Variants in EVL observed in about 807,000 individuals in gnomAD.
EVL encodes the protein Enah/Vasp-like.
In EVL, 21 loss-of-function variants were observed where a neutral mutation model predicts 59.6. The observed-to-expected ratio is 0.35, with a 90% CI of 0.25 to 0.51. The LOEUF is 0.51. EVL is among the 20% of genes least tolerant of loss of function. EVL has a pLI of 0.97. For synonymous variants in EVL, 198 were observed against 203.5 expected, an observed-to-expected ratio of 0.97 and a Z score of 0.23; for missense variants, 462 against 546.6, an observed-to-expected ratio of 0.85 and a Z score of 1.54.
intron 1 of EVL, among the ~76,000 whole-genome samples, chr14:100,016,072 C>CT: frequency 7.3e-6 from 1 of 137,280 alleles, no homozygotes; most frequent in South Asian, 2.3e-4. Context: ...GAGTAAGACT[C>CT]TGTCTCAAAA....
At chr14:100,039,722 A>G (rs932049997) in intron 1 of EVL, among the ~76,000 whole-genome samples, 2 of 152,086 alleles carry the variant, frequency 1.3e-5, no homozygotes, top group African/African-American at 2.4e-5. Context: ...GAATTGGTCT[A>G]TATCTTCACC....
intron 1 of EVL, among the ~76,000 whole-genome samples, chr14:100,045,173 T>C (rs1213439304): frequency 2.6e-5 from 4 of 152,192 alleles, no homozygotes; most frequent in Non-Finnish European, 5.9e-5. Flanking sequence ...GTGCCCACTT[T>C]GTGGGATTGT....
At chr14:99,984,459 C>CT (rs1301760530) in intron 1 of EVL, among the ~76,000 whole-genome samples, 1 of 152,046 alleles carries the variant, frequency 6.6e-6, no homozygotes, top group African/African-American at 2.4e-5. Flanking sequence ...GCTTTTCTTT[C>CT]TTTTTTAAAT....
intron 1 of EVL, among the ~76,000 whole-genome samples, chr14:100,065,843 G>A (rs1200786922): frequency 6.6e-6 from 1 of 152,134 alleles, no homozygotes; most frequent in African/African-American, 2.4e-5. Context: ...TTGTTGTTTA[G>A]CTCAGAGGTA....
rs1888175471 is a variant in EVL at position 100,127,836 on chromosome 14, C to G, written c.488-683C>G. ...CCCTTGGTAACACTTGTCAGCTTGC[C>G]ACAGTCCTCCATCTGCGTTTACCTC... On this transcript the variant is annotated intron_variant, in intron 5 of 13. Transcript: ENST00000392920. This position sits in a 1 kb window ranked among gnomAD's most constrained non-coding sequence, Gnocchi z 4.2. Among the ~76,000 whole-genome samples, 1 of 152,234 alleles carries G rather than the reference C, an allele frequency of 6.6e-6. No homozygotes were observed. Among genetic ancestry groups the G allele is most frequent in the Non-Finnish European group, 1.5e-5 (1 of 68,044 alleles).
At chr14:99,985,626 G>A (rs746122595) in intron 1 of EVL, among the ~76,000 whole-genome samples, 1 of 152,094 alleles carries the variant, frequency 6.6e-6, no homozygotes, top group Non-Finnish European at 1.5e-5. Flanking sequence ...GATTAGCTGG[G>A]TGTGGTGGTG....
intron 1 of EVL, among the ~76,000 whole-genome samples, chr14:99,980,397 CT>C (rs1359439319): frequency 6.6e-6 from 1 of 152,170 alleles, no homozygotes; most frequent in African/African-American, 2.4e-5. Context: ...AGAATCACCT[CT>C]AATTCTCAGA....
intron 3 of EVL, among the ~76,000 whole-genome samples, chr14:100,116,199 C>T (rs550666012): frequency 5.9e-5 from 9 of 152,274 alleles, no homozygotes; most frequent in Admixed American, 5.9e-4. Flanking sequence ...CCGGGGATGG[C>T]CCAGTCTCAC....
chr14:99,972,602 CT>C lies in EVL; in HGVS notation c.5+553del, dbSNP rs869292266. On this transcript the variant is annotated intron_variant, in intron 1 of 13. Transcript: ENST00000402714. This position sits in a 1 kb window ranked among gnomAD's most constrained non-coding sequence, Gnocchi z 4.4. ...CTTCGTCTCCTAATTCTCAACCCCC[CT>C]TTTTTTTCTTCTTGCACGCCAGTAA... is the stretch of plus-strand genomic sequence containing the variant. 2.6e-5 allele frequency among the ~76,000 whole-genome samples: 4 copies of C among 152,024 alleles called. No homozygotes were observed. The highest frequency in any genetic ancestry group is 4.4e-5 in the Non-Finnish European group (3 of 67,998).
chr14:100,005,708 C>T (rs1248776906), intron 1 of EVL, among the ~76,000 whole-genome samples: 1 of 151,258 alleles, frequency 6.6e-6, no homozygotes, highest in Non-Finnish European at 1.5e-5. Flanking sequence ...TGACTTTTAA[C>T]CATTGAGCTT....
chr14:100,062,333 A>T (rs1479421568), upstream of EVL, among the ~76,000 whole-genome samples: 1 of 152,030 alleles, frequency 6.6e-6, no homozygotes, highest in East Asian at 1.9e-4. Flanking sequence ...TTATGCAATT[A>T]TGAAGTTCTT....
intron 1 of EVL, among the ~76,000 whole-genome samples, chr14:99,987,095 C>T (rs986589088): frequency 7.9e-5 from 12 of 151,974 alleles, no homozygotes; most frequent in African/African-American, 2.4e-4. Context: ...AAAATGGTAC[C>T]GTCAATAAAG....
intron 2 of EVL, among the ~76,000 whole-genome samples, chr14:100,088,398 G>A (rs1834494786): frequency 6.6e-6 from 1 of 152,138 alleles, no homozygotes; most frequent in African/African-American, 2.4e-5. Flanking sequence ...TAATGATGAG[G>A]ATACATCCTG....
chr14:100,100,885 A>G (rs1886172893), intron 3 of EVL, among the ~76,000 whole-genome samples: 1 of 152,088 alleles, frequency 6.6e-6, no homozygotes, highest in African/African-American at 2.4e-5. Flanking sequence ...GCCATAATGT[A>G]AGCACCATCT....
chr14:100,112,985 A>C (rs1179107377), intron 3 of EVL, among the ~76,000 whole-genome samples: 1 of 152,124 alleles, frequency 6.6e-6, no homozygotes, highest in Non-Finnish European at 1.5e-5. Flanking sequence ...GTGGAGAGAG[A>C]GCCTTGTCAA....
At position 100,137,584 on chromosome 14, in the gene EVL, G is replaced by T; in HGVS notation, c.971G>T (p.Gly324Val). The T allele has an allele frequency of 6.2e-7, 1 of 1,613,948 alleles. No individual in the cohort carries two copies. The change falls in exon 10 of 14, where the codon GGC becomes GTC. Residue 324 changes from glycine to valine, a missense_variant. Coordinates refer to ENST00000392920, the MANE Select transcript of EVL (RefSeq NM_016337.3). ...CCATGAAATGAACTGACAGAGGCTG[G>T]CCGGAAGCCCTGGGAGCGGAGCAAC... is the stretch of plus-strand genomic sequence containing the variant. ...ASQPPNSSEA[G>V]RKPWERSNSV...
intron 3 of EVL, among the ~76,000 whole-genome samples, chr14:100,118,618 G>C (rs368402546): frequency 6.6e-6 from 1 of 152,166 alleles, no homozygotes; most frequent in East Asian, 1.9e-4. Context: ...CCAGTGAGAA[G>C]GGACTCGGAC....
At chr14:100,076,713 C>T (rs1260912177) in intron 1 of EVL, among the ~76,000 whole-genome samples, 1 of 152,172 alleles carries the variant, frequency 6.6e-6, no homozygotes, top group East Asian at 1.9e-4. Flanking sequence ...GTGGCCTGAG[C>T]CACAGCAGAG....
intron 7 of EVL, among the ~76,000 whole-genome samples, chr14:100,132,465 T>A (rs998610280): frequency 2.0e-5 from 3 of 152,026 alleles, no homozygotes; most frequent in Admixed American, 6.6e-5. Flanking sequence ...TAAACAGACA[T>A]AGAGGCATCT....
Sources: allele counts gnomAD v4.1 joint callset (sites outside exome capture counted in the v4.1 genomes callset), GRCh38; gene constraint gnomAD v4.1.1; non-coding constraint Gnocchi (gnomAD v3.1); transcripts MANE v1.5; gene names NCBI Gene and HGNC (gene_info 2026-07-23, HGNC 2026-07-21).